CHODL: variants seen among roughly 807,000 people sequenced by gnomAD.
The protein encoded by CHODL is chondrolectin, also known as transmembrane protein MT75.
Under a neutral mutation model 34.5 loss-of-function variants are expected in CHODL, and 29 were observed. That is an observed-to-expected ratio of 0.84 (90% CI 0.63 to 1.15). The LOEUF (loss-of-function observed/expected upper bound fraction) is 1.15. Ranked by LOEUF, CHODL falls within the 50% of genes most tolerant of loss-of-function variation. The probability of loss-of-function intolerance (pLI) is 0.00; values close to 1 mark genes in which losing one functional copy is unlikely to be tolerated. For missense variants in CHODL, 332 were observed against 332.5 expected, an observed-to-expected ratio of 1.00 and a Z score of 0.01; for synonymous variants, 125 against 116.1, an observed-to-expected ratio of 1.08 and a Z score of -0.49.
At chr21:18,199,623 C>G (rs749656299) in intron 2 of CHODL, among the ~76,000 whole-genome samples, 2 of 152,100 alleles carry the variant, frequency 1.3e-5, no homozygotes, top group Admixed American at 1.3e-4. Flanking sequence ...TATCCATCCT[C>G]TCCTATCCTA....
At chr21:18,010,320 A>AG (rs2064006298) in intron 1 of CHODL, among the ~76,000 whole-genome samples, 1 of 144,904 alleles carries the variant, frequency 6.9e-6, no homozygotes, top group Admixed American at 6.8e-5. Flanking sequence ...AAAAAAAAAA[A>AG]AAGAAGAAAA....
At chr21:18,194,415 C>A (rs1359342007) in intron 2 of CHODL, among the ~76,000 whole-genome samples, 2 of 152,198 alleles carry the variant, frequency 1.3e-5, no homozygotes, top group Admixed American at 6.5e-5. Flanking sequence ...AGGAGCCAAG[C>A]TCATCCCCAG....
At chr21:17,998,560 G>A (rs1478997689) in intron 1 of CHODL, among the ~76,000 whole-genome samples, 1 of 152,214 alleles carries the variant, frequency 6.6e-6, no homozygotes, top group African/African-American at 2.4e-5. Context: ...TTTTGCCTGG[G>A]CATCCAGGCA....
chr21:18,249,805 G>A (rs2074213386), intron 1 of CHODL, among the ~76,000 whole-genome samples: 1 of 152,118 alleles, frequency 6.6e-6, no homozygotes, highest in Non-Finnish European at 1.5e-5. Context: ...GAGCACCTAT[G>A]TCATAGGATT....
intron 2 of CHODL, among the ~76,000 whole-genome samples, chr21:18,155,737 G>A (rs986348140): frequency 4.6e-5 from 7 of 152,122 alleles, no homozygotes; most frequent in African/African-American, 1.7e-4. Context: ...AGGCAGTCAC[G>A]GAAACAATAA....
At chr21:18,143,581 G>A (rs756469361) in intron 2 of CHODL, among the ~76,000 whole-genome samples, 9 of 152,060 alleles carry the variant, frequency 5.9e-5, no homozygotes, top group South Asian at 2.1e-4. Context: ...TGTTACTTTC[G>A]GCAATTTACT....
At chr21:18,165,199 ACT>A (rs928787289) in intron 2 of CHODL, among the ~76,000 whole-genome samples, 49 of 152,202 alleles carry the variant, frequency 3.2e-4, no homozygotes, top group African/African-American at 1.1e-3. Flanking sequence ...AAACAAGTCT[ACT>A]CTAGTTGAGA....
chr21:18,037,353 G>A (rs1268395116), intron 2 of CHODL, among the ~76,000 whole-genome samples: 1 of 151,832 alleles, frequency 6.6e-6, no homozygotes, highest in African/African-American at 2.4e-5. Context: ...CAATGTAAAT[G>A]GAGGAACTCT....
rs574207765 is a variant in CHODL, at chr21:17,927,478, C to A, written c.-145+10078C>A. On this transcript the variant is annotated intron_variant, in intron 1 of 6. Coordinates refer to the CHODL transcript ENST00000400127. The stretch of plus-strand genomic sequence containing the variant: ...TGCCTAATAGTGGTTCAAAACATTT[C>A]TTTTCTGTGGTATATTTGCATTTAA... Among the ~76,000 whole-genome samples, 366 of 152,206 alleles carry A rather than the reference C, an allele frequency of 2.4e-3. 1 individual carries two copies. The highest frequency in any genetic ancestry group is 8.2e-3 in the African/African-American group (339 of 41,538).
upstream of CHODL, among the ~76,000 whole-genome samples, chr21:18,243,876 C>T (rs760152134): frequency 6.6e-6 from 1 of 152,074 alleles, no homozygotes; most frequent in Non-Finnish European, 1.5e-5. Flanking sequence ...AGTGTACTTC[C>T]TATAAGACAA....
intron 1 of CHODL, among the ~76,000 whole-genome samples, chr21:17,978,021 T>G (rs2063680403): frequency 6.6e-6 from 1 of 151,964 alleles, no homozygotes; most frequent in African/African-American, 2.4e-5. Flanking sequence ...GCATAATAAA[T>G]TAGCCCAAAC....
intron 3 of CHODL, among the ~76,000 whole-genome samples, chr21:18,259,314 A>T (rs2074352651): frequency 6.6e-6 from 1 of 152,150 alleles, no homozygotes; most frequent in Non-Finnish European, 1.5e-5. Context: ...AAGGAAAAGA[A>T]AAATAGAAAA....
intron 2 of CHODL, among the ~76,000 whole-genome samples, chr21:18,124,611 G>A (rs184891525): frequency 2.0e-5 from 3 of 152,182 alleles, no homozygotes; most frequent in East Asian, 1.9e-4. Context: ...AAAAATTTTC[G>A]TGGTGAGAAT....
At chr21:18,253,207 AC>A (rs1179638054) in intron 1 of CHODL, among the ~76,000 whole-genome samples, 3 of 152,114 alleles carry the variant, frequency 2.0e-5, no homozygotes, top group African/African-American at 7.2e-5. Context: ...GGGATAATGA[AC>A]AGTGACTTTT....
chr21:18,077,245 C>A (rs543027529), intron 2 of CHODL, among the ~76,000 whole-genome samples: 1 of 152,156 alleles, frequency 6.6e-6, no homozygotes, highest in African/African-American at 2.4e-5. Context: ...ACCATTGTTT[C>A]TTGGAAATGT....
chr21:18,011,462 TG>T (rs767121314), intron 1 of CHODL, among the ~76,000 whole-genome samples: 10 of 152,228 alleles, frequency 6.6e-5, no homozygotes, highest in Non-Finnish European at 1.2e-4. Context: ...TTTCTTCCTT[TG>T]TTTTTTAGGG....
In CHODL at chr21:18,124,220, G is replaced by A. The variant is rs372157652; in HGVS notation, c.-45+96249G>A. 2.0e-4 allele frequency among the ~76,000 whole-genome samples: 31 copies of A among 152,220 alleles called. No homozygotes were observed. In the East Asian group the frequency reaches 2.9e-3, roughly 14 times the overall value. On this transcript the variant is annotated intron_variant, in intron 2 of 6. Transcript: ENST00000400127. ...TGACTAATAAATGATTGTCAATATC[G>A]TAAGTCCAGTTTCAGTTATTGTATG...
chr21:17,940,268 A>G (rs946720828), intron 1 of CHODL, among the ~76,000 whole-genome samples: 1 of 152,238 alleles, frequency 6.6e-6, no homozygotes, highest in Non-Finnish European at 1.5e-5. Context: ...CATATTGTCT[A>G]TTATTCATAA....
At chr21:18,087,466 C>T (rs138565578) in intron 2 of CHODL, among the ~76,000 whole-genome samples, 10 of 152,148 alleles carry the variant, frequency 6.6e-5, no homozygotes, top group South Asian at 2.1e-4. Flanking sequence ...CAGGGGGGCA[C>T]GAAGCTGTGG....
Sources: gnomAD v4.1 joint callset for allele counts (sites outside exome capture counted in the v4.1 genomes callset) on GRCh38, gnomAD v4.1.1 for gene constraint, MANE v1.5 for transcripts, NCBI Gene and HGNC (gene_info 2026-07-23, HGNC 2026-07-21) for gene names.